Variants in ABR observed in about 807,000 individuals in gnomAD.
ABR encodes active breakpoint cluster region-related protein.
A neutral mutation model predicts 107.2 loss-of-function variants in ABR; 35 were observed. The ratio of observed to expected loss-of-function variants is 0.33; its 90% CI spans 0.25 to 0.43. ABR has a LOEUF of 0.43. ABR is among the 20% of genes least tolerant of loss of function. The pLI is 1.00. For synonymous variants in ABR, 498 were observed against 462.0 expected (o/e 1.08, Z -1.00); for missense variants, 815 against 1,115.2 (o/e 0.73, Z 3.83).
At chr17:1,055,887 G>C in intron 14 of ABR, 148 bp downstream of exon 14, 1 of 709,666 alleles carries the variant, frequency 1.4e-6, no homozygotes, top group Non-Finnish European at 2.4e-6. Context: ...ACAAAGGCCA[G>C]GGGTGACCTC....
chr17:1,137,467 G>A (rs2040119896), intron 1 of ABR, among the ~76,000 whole-genome samples: 1 of 152,124 alleles, frequency 6.6e-6, no homozygotes, highest in African/African-American at 2.4e-5. Context: ...CTGGAGCGGG[G>A]AGAGGAGAGA....
chr17:1,179,829 A>T lies in ABR; in HGVS notation c.-102T>A. On this transcript the variant is annotated 5_prime_UTR_variant, in exon 1 of 23. Transcript: ENST00000302538. This position sits in a 1 kb window ranked among gnomAD's most constrained non-coding sequence, Gnocchi z 4.9. ...GGGGAGGCCGAAGTTGCGAGCGCGG[A>T]GGGGCGAGGAGGCCGGGAACCAGGT... 1 of 1,192,278 alleles carries T rather than the reference A, an allele frequency of 8.4e-7. No homozygotes were observed. Among genetic ancestry groups the T allele is most frequent in the Non-Finnish European group, 1.1e-6 (1 of 914,154 alleles). The allele number at this position is 1,192,278 out of a possible 1,614,324, so 73.9% of individuals were successfully genotyped here. A position where few individuals can be genotyped will look rare whatever the true frequency, so the allele number is the denominator to read the frequency against.
Position 1,125,269 on chromosome 17 carries a change from G to A in ABR, c.160C>T (p.Pro54Ser). The A allele has an allele frequency of 1.2e-6, 2 of 1,613,602 alleles. No homozygotes were observed. The highest frequency in any genetic ancestry group is 1.7e-6 in the Non-Finnish European group (2 of 1,179,796). Residue 54 changes from proline to serine, a missense_variant, in exon 2 of 23, where the codon CCC (proline) becomes TCC (serine). Transcript: ENST00000302538. The part of the protein sequence containing the change: ...SETMPYIDES[P>S]TMSPQLSARS... ...GCGCTGAGCTGCGGGGACATGGTGG[G>A]CGACTCATCGATGTACGGCATGGTC...
chr17:1,031,671 G>T, intron 16 of ABR: 1 of 1,256,802 alleles, frequency 8.0e-7, no homozygotes, highest in Non-Finnish European at 1.0e-6. Flanking sequence ...CTTGCTCCCC[G>T]ACTCCTCCAG....
intron 21 of ABR, among the ~76,000 whole-genome samples, chr17:1,007,692 A>G (rs1209171643): frequency 6.6e-6 from 1 of 152,218 alleles, no homozygotes; most frequent in African/African-American, 2.4e-5. Flanking sequence ...CGTCACCCCC[A>G]TCGTGTAGAT....
intron 3 of ABR, among the ~76,000 whole-genome samples, chr17:1,098,650 G>A (rs1295148220): frequency 6.6e-6 from 1 of 152,176 alleles, no homozygotes; most frequent in East Asian, 1.9e-4. Context: ...TGCTCTTAAT[G>A]GCAGGGCCAA....
chr17:1,154,503 T>C lies in ABR; in HGVS notation c.61+25164A>G, dbSNP rs995935248. 6 of 152,450 alleles carry C rather than the reference T, an allele frequency of 3.9e-5. No individual in the cohort carries two copies. Among genetic ancestry groups the C allele is most frequent in the African/African-American group, 1.4e-4 (6 of 41,434 alleles). The allele number at this position is 152,450 out of a possible 1,614,324, so 9.4% of individuals were successfully genotyped here. The stretch of plus-strand genomic sequence containing the variant: ...CCAGCCCCTTCCTCCCAGCTTTCCA[T>C]CCCACTCCACAAGGGTGTCTGGCTG... On this transcript the variant is annotated intron_variant, in intron 1 of 22. Coordinates refer to ENST00000302538, the MANE Select transcript of ABR (RefSeq NM_021962.5). The surrounding 1 kb of genome is among the most constrained non-coding windows in gnomAD (Gnocchi z 4.0).
Position 1,050,603 on chromosome 17 carries a change from G to A in ABR, c.1593C>T (p.Phe531=), listed in dbSNP as rs137975056. ...TTTTGGCTTTGCTGACAAAATAGCC[G>A]AAGGAATCCACCTCCAGGGTACAGT... ...NLYCTLEVDS[F]GYFVSKAKTR... is the part of the protein sequence containing the mutation. Residue 531 remains phenylalanine, a synonymous_variant, in exon 15 of 23, where the codon TTC becomes TTT. Transcript: ENST00000302538. The surrounding 1 kb of genome is among the most constrained non-coding windows in gnomAD (Gnocchi z 4.6). 72 of 1,613,972 alleles carry A rather than the reference G, an allele frequency of 4.5e-5. No homozygotes were observed. The highest frequency in any genetic ancestry group is 1.6e-4 in the Middle Eastern group (1 of 6,062).
rs192900618 is a variant in ABR, at chr17:1,054,294, G to A, written c.1561+1741C>T. On this transcript the variant is annotated intron_variant, in intron 14 of 22. Coordinates refer to ENST00000302538, the MANE Select transcript of ABR (RefSeq NM_021962.5). ...TCTCCAGGTGCACGGTAGGTGCTGT[G>A]TAAATTAACGACTTCATTCCACATT... Among the ~76,000 whole-genome samples, 502 of 152,340 alleles carry A rather than the reference G, an allele frequency of 3.3e-3. 2 individuals carry two copies. Among genetic ancestry groups the A allele is most frequent in the African/African-American group, 0.011 (471 of 41,576 alleles).
intron 2 of ABR, among the ~76,000 whole-genome samples, chr17:1,108,771 A>C (rs1407173445): frequency 6.6e-6 from 1 of 151,700 alleles, no homozygotes; most frequent in African/African-American, 2.4e-5. Context: ...TCGGGGAGGC[A>C]GGCCCGCCCC....
At chr17:1,142,564 G>C (rs1385305334) in intron 1 of ABR, among the ~76,000 whole-genome samples, 1 of 148,228 alleles carries the variant, frequency 6.7e-6, no homozygotes, top group Non-Finnish European at 1.5e-5. Flanking sequence ...CAGCCTGGGC[G>C]ATAAGAGCGA....
rs755662989 is a variant in ABR at position 1,073,716 on chromosome 17, G to A, written c.701-39C>T. On this transcript the variant is annotated intron_variant, in intron 6 of 22. Transcript: ENST00000302538. Reference sequence around the variant, plus strand: ...CAGGGAGAAGGAGGAAGAGGATGATGGACGAGGGCAACCCAACACCCCAGA... The same window carrying A: ...CAGGGAGAAGGAGGAAGAGGATGATAGACGAGGGCAACCCAACACCCCAGA... 9.6e-6 allele frequency: 15 copies of A among 1,561,728 alleles called. 1 individual carries two copies. Among genetic ancestry groups the A allele is most frequent in the Non-Finnish European group, 1.3e-5 (15 of 1,148,440 alleles).
chr17:1,047,030 A>C (rs964139241), intron 16 of ABR, among the ~76,000 whole-genome samples: 1 of 152,106 alleles, frequency 6.6e-6, no homozygotes, highest in Non-Finnish European at 1.5e-5. Flanking sequence ...GGCGACCCAG[A>C]GTGGGGGCCT....
At chr17:1,088,236 TA>T (rs769537642) in intron 4 of ABR, among the ~76,000 whole-genome samples, 2 of 152,050 alleles carry the variant, frequency 1.3e-5, no homozygotes, top group Non-Finnish European at 2.9e-5. Context: ...GTGACAAAGA[TA>T]AACTGTGACA....
intron 2 of ABR, among the ~76,000 whole-genome samples, chr17:1,108,556 G>A (rs1027255933): frequency 6.6e-6 from 1 of 152,280 alleles, no homozygotes; most frequent in Non-Finnish European, 1.5e-5. Flanking sequence ...TCAGCTCGGA[G>A]ACACCAAGTC....
At chr17:1,163,368 A>G (rs2041382905) in intron 1 of ABR, among the ~76,000 whole-genome samples, 1 of 152,228 alleles carries the variant, frequency 6.6e-6, no homozygotes, top group South Asian at 2.1e-4. Flanking sequence ...ACTTTTCTTC[A>G]GCTTGGCCTC....
At chr17:1,041,994 C>T (rs868445277) in intron 16 of ABR, among the ~76,000 whole-genome samples, 28 of 152,162 alleles carry the variant, frequency 1.8e-4, no homozygotes, top group Non-Finnish European at 1.5e-4. Flanking sequence ...AGTGACCAGT[C>T]ATGCCCTAGG....
chr17:1,178,518 T>C (rs1270205882), intron 1 of ABR, among the ~76,000 whole-genome samples: 3 of 149,876 alleles, frequency 2.0e-5, no homozygotes, highest in Non-Finnish European at 3.0e-5. Flanking sequence ...GAGCGGAGAT[T>C]GCGCCACTGC....
chr17:1,173,171 T>TCCACCCCCCACACATCACCTCAGC (rs2041796545), intron 1 of ABR, among the ~76,000 whole-genome samples: 1 of 56,776 alleles, frequency 1.8e-5, no homozygotes, highest in Admixed American at 2.4e-4. Flanking sequence ...ATCACCTCAG[T>TCCACCCCCCACACATCACCTCAGC]CCACCCAACA....
Sources: allele counts gnomAD v4.1 joint callset (sites outside exome capture counted in the v4.1 genomes callset), GRCh38; gene constraint gnomAD v4.1.1; non-coding constraint Gnocchi (gnomAD v3.1); transcripts MANE v1.5; gene names NCBI Gene and HGNC (gene_info 2026-07-23, HGNC 2026-07-21).